The following APOLD1 variants were observed in gnomAD, a reference collection of about 807,000 sequenced individuals.
APOLD1 encodes apolipoprotein L domain-containing protein 1.
APOLD1 carries 22 observed loss-of-function variants against 15.3 expected under a neutral mutation model. The observed-to-expected ratio is 1.44, with a 90% CI of 1.03 to 2.05. APOLD1 has a LOEUF of 2.05. APOLD1 is among the 30% of genes most tolerant of loss of function. The pLI is 0.00. For synonymous variants in APOLD1, 190 were observed against 167.4 expected (o/e 1.13, Z -1.04); for missense variants, 394 against 353.5 (o/e 1.11, Z -0.92).
At chr12:12,746,611 TATTGGAAAAC>T (rs1480305503) in intron 1 of APOLD1, among the ~76,000 whole-genome samples, 1 of 152,186 alleles carries the variant, frequency 6.6e-6, no homozygotes, top group Non-Finnish European at 1.5e-5. Flanking sequence ...TTTAAAAAAC[TATTGGAAAAC>T]ATGGGAAAAC....
chr12:12,767,702 A>G (rs534844031), intron 1 of APOLD1, among the ~76,000 whole-genome samples: 1 of 152,306 alleles, frequency 6.6e-6, no homozygotes, highest in Non-Finnish European at 1.5e-5. Flanking sequence ...AACTATTTAC[A>G]TAGCACTTAC....
chr12:12,784,055 A>G (rs760018171), upstream of APOLD1, among the ~76,000 whole-genome samples: 3 of 152,200 alleles, frequency 2.0e-5, no homozygotes, highest in Non-Finnish European at 2.9e-5. Flanking sequence ...AGAAAAACAA[A>G]TTCCAAGATA....
intron 1 of APOLD1, among the ~76,000 whole-genome samples, chr12:12,758,621 T>C (rs1946876343): frequency 6.6e-6 from 1 of 152,208 alleles, no homozygotes; most frequent in African/African-American, 2.4e-5. Flanking sequence ...CCTTTCCTAT[T>C]GAATGAACAG....
At chr12:12,783,205 C>T (rs998969098), upstream of APOLD1, among the ~76,000 whole-genome samples, 1 of 152,014 alleles carries the variant, frequency 6.6e-6, no homozygotes, top group Non-Finnish European at 1.5e-5. Flanking sequence ...GACGCCGTCT[C>T]AAAAATAAAT....
chr12:12,786,651 A>C, intron 1 of APOLD1: 1 of 985,340 alleles, frequency 1.0e-6, no homozygotes, highest in Non-Finnish European at 1.2e-6. Context: ...GTTCCCTGGG[A>C]GAGAAGCAGA....
intron 1 of APOLD1, among the ~76,000 whole-genome samples, chr12:12,731,713 A>G (rs548570341): frequency 6.6e-6 from 1 of 152,236 alleles, no homozygotes; most frequent in African/African-American, 2.4e-5. Context: ...CATATACAGA[A>G]TATATAAATA....
At chr12:12,764,287 C>T (rs369935908) in intron 1 of APOLD1, among the ~76,000 whole-genome samples, 1 of 152,078 alleles carries the variant, frequency 6.6e-6, no homozygotes, top group South Asian at 2.1e-4. Context: ...ACTATAGTTA[C>T]CATGTTGTAC....
chr12:12,731,144 AAAAC>A (rs989340993), intron 1 of APOLD1, among the ~76,000 whole-genome samples: 2,355 of 152,294 alleles, frequency 0.015, 52 homozygotes, highest in African/African-American at 0.052. Flanking sequence ...CCATCTCAAA[AAAAC>A]AAACAAACAA....
chr12:12,730,879 C>T (rs1387879483), intron 1 of APOLD1, among the ~76,000 whole-genome samples: 3 of 152,122 alleles, frequency 2.0e-5, no homozygotes, highest in Middle Eastern at 3.4e-3. Flanking sequence ...CAGTGGCTCA[C>T]GCCTGTAATC....
rs117783190 is a variant in APOLD1 at position 12,741,510 on chromosome 12, G to A, written c.96+15414G>A. Among the ~76,000 whole-genome samples the A allele has an allele frequency of 3.1e-3, 471 of 152,258 alleles. 16 individuals carry two copies. The highest frequency in any genetic ancestry group is 0.023 in the Admixed American group (355 of 15,292). ...ATTACAGGCATGAGCCATTGTGCCC[G>A]GCCCCAACCCAGTTTTTATTGCAAC... On this transcript the variant is annotated intron_variant, in intron 1 of 1. Coordinates refer to the APOLD1 transcript ENST00000326765.
chr12:12,728,692 G>GAA (rs1946614077), intron 1 of APOLD1, among the ~76,000 whole-genome samples: 1 of 100,704 alleles, frequency 9.9e-6, no homozygotes, highest in Admixed American at 1.0e-4. Flanking sequence ...AAAAAAAAAA[G>GAA]AGAGAGAAAG....
intron 1 of APOLD1, among the ~76,000 whole-genome samples, chr12:12,748,415 A>G (rs1946782020): frequency 6.6e-6 from 1 of 152,246 alleles, no homozygotes; most frequent in Non-Finnish European, 1.5e-5. Flanking sequence ...CAAGGTTGCT[A>G]GAAACTGGTT....
chr12:12,784,568 G>T (rs75670490), upstream of APOLD1, among the ~76,000 whole-genome samples: 12,832 of 152,206 alleles, frequency 0.084, 634 homozygotes, highest in Admixed American at 0.13. Context: ...CATAAAGGTG[G>T]GGGATTTAAT....
At position 12,787,719 on chromosome 12, in the gene APOLD1, G is replaced by T. The variant is rs943288230; in HGVS notation, c.*67G>T. The T allele has an allele frequency of 3.3e-6, 5 of 1,511,668 alleles. No homozygotes were observed. The Admixed American group carries it at 6.4e-5, about 19-fold the overall frequency. 93.6% of individuals were successfully genotyped at this position (1,511,668 alleles called of 1,614,324 possible). ...CTCATGGGATGCTCCAGAATTTGTAGCTCCCTTAGGAAAACACCAAGCTGG... is the reference window on the plus strand; with the variant it reads ...CTCATGGGATGCTCCAGAATTTGTATCTCCCTTAGGAAAACACCAAGCTGG... On this transcript the variant is annotated 3_prime_UTR_variant, in exon 2 of 2. Transcript: ENST00000356591. This position sits in a 1 kb window ranked among gnomAD's most constrained non-coding sequence, Gnocchi z 4.9.
chr12:12,736,420 G>T (rs1016501114), intron 1 of APOLD1, among the ~76,000 whole-genome samples: 2 of 151,856 alleles, frequency 1.3e-5, no homozygotes, highest in Non-Finnish European at 2.9e-5. Context: ...CCAGCTACTT[G>T]GGAGGCTGAG....
intron 1 of APOLD1, among the ~76,000 whole-genome samples, chr12:12,746,792 C>T (rs1946770203): frequency 6.6e-6 from 1 of 152,120 alleles, no homozygotes; most frequent in Admixed American, 6.5e-5. Flanking sequence ...CTCTCTTCTT[C>T]TTCCCCCTTC....
chr12:12,787,334 C>A lies in APOLD1; in HGVS notation c.429C>A (p.Arg143=). The A allele has an allele frequency of 6.2e-7, 1 of 1,613,780 alleles. No homozygotes were observed. Among genetic ancestry groups the A allele is most frequent in the Non-Finnish European group, 8.5e-7 (1 of 1,179,990 alleles). The part of the protein sequence containing the change: ...EILSCLEFFC[R]WQGCGDRQLL... ...TGAGCTGCCTCGAGTTTTTCTGCCGCTGGCAGGGCTGCGGGGACCGCCAGC... is the reference window on the plus strand; with the variant it reads ...TGAGCTGCCTCGAGTTTTTCTGCCGATGGCAGGGCTGCGGGGACCGCCAGC... The change falls in exon 2 of 2, where the codon CGC becomes CGA. Residue 143 remains arginine, a synonymous_variant. Coordinates refer to ENST00000356591, the MANE Select transcript of APOLD1 (RefSeq NM_030817.3). The surrounding 1 kb of genome is among the most constrained non-coding windows in gnomAD (Gnocchi z 4.9).
chr12:12,752,920 G>A (rs1172015848), intron 1 of APOLD1, among the ~76,000 whole-genome samples: 2 of 152,138 alleles, frequency 1.3e-5, no homozygotes. Context: ...TAATAGTGAT[G>A]AGTGGTATCT....
At position 12,787,832 on chromosome 12, in the gene APOLD1, T is replaced by G; in HGVS notation, c.*180T>G. On this transcript the variant is annotated 3_prime_UTR_variant, in exon 2 of 2. Coordinates refer to ENST00000356591, the MANE Select transcript of APOLD1 (RefSeq NM_030817.3). The surrounding 1 kb of genome is among the most constrained non-coding windows in gnomAD (Gnocchi z 4.9). Reference sequence around the variant, plus strand: ...CTTCTTTTCCCATCACTGTGACATCTGCCTGGGCTTGAGTGCTACGGACTT... The same window carrying G: ...CTTCTTTTCCCATCACTGTGACATCGGCCTGGGCTTGAGTGCTACGGACTT... 1 of 842,170 alleles carries G rather than the reference T, an allele frequency of 1.2e-6. No individual in the cohort carries two copies. The highest frequency in any genetic ancestry group is 1.9e-5 in the South Asian group (1 of 52,296). 52.2% of individuals were successfully genotyped at this position (842,170 alleles called of 1,614,324 possible).
Sources: allele counts gnomAD v4.1 joint callset (sites outside exome capture counted in the v4.1 genomes callset), GRCh38; gene constraint gnomAD v4.1.1; non-coding constraint Gnocchi (gnomAD v3.1); transcripts MANE v1.5; gene names NCBI Gene and HGNC (gene_info 2026-07-23, HGNC 2026-07-21).